TLN2: variants seen among roughly 807,000 people sequenced by gnomAD.
The protein encoded by TLN2 is talin 2.
A neutral mutation model predicts 294.7 loss-of-function variants in TLN2; 118 were observed. The ratio of observed to expected loss-of-function variants is 0.40; its 90% CI spans 0.34 to 0.47. The LOEUF is 0.47. Among genes scored for constraint, TLN2 ranks in the 20% least tolerant of loss-of-function variants. The pLI is 0.84. For synonymous variants in TLN2, 1,431 were observed against 1,304.5 expected (o/e 1.10, Z -2.09); for missense variants, 3,083 against 3,282.2 (o/e 0.94, Z 1.48).
intron 1 of TLN2, among the ~76,000 whole-genome samples, chr15:62,580,531 C>G (rs2044865577): frequency 6.6e-6 from 1 of 152,050 alleles, no homozygotes; most frequent in Non-Finnish European, 1.5e-5. Flanking sequence ...CTACCTCAGC[C>G]TCGCGAGTAG....
At chr15:62,556,821 C>T (rs758836701) in intron 1 of TLN2, among the ~76,000 whole-genome samples, 1 of 152,152 alleles carries the variant, frequency 6.6e-6, no homozygotes, top group African/African-American at 2.4e-5. Context: ...TAATGGGGCA[C>T]TATGTATAAC....
intron 1 of TLN2, among the ~76,000 whole-genome samples, chr15:62,532,582 A>G (rs1253515661): frequency 1.3e-5 from 2 of 152,168 alleles, no homozygotes; most frequent in Non-Finnish European, 2.9e-5. Flanking sequence ...AGTCCCTGCA[A>G]TACCCTTGCA....
intron 1 of TLN2, among the ~76,000 whole-genome samples, chr15:62,530,047 C>T (rs1014804831): frequency 3.9e-5 from 6 of 152,198 alleles, no homozygotes; most frequent in Admixed American, 6.5e-5. Context: ...AAAAATTAGC[C>T]GGGCCTTGTG....
chr15:62,471,550 C>G (rs2037475846), intron 1 of TLN2, among the ~76,000 whole-genome samples: 1 of 152,192 alleles, frequency 6.6e-6, no homozygotes, highest in African/African-American at 2.4e-5. Flanking sequence ...AGGGAAGTCC[C>G]CTCCACTGGC....
In TLN2 at chr15:62,655,990, TGAAAAC is replaced by T. The variant is rs2053167108; in HGVS notation, c.569_574del (p.Asn190_Glu191del). On this transcript the variant is annotated inframe_deletion, in exon 8 of 59. Transcript: ENST00000636159. Reference sequence around the variant, plus strand: ...GAACATTCAGAGAACAAGGAGTAGATGAAAACGAAACGTTGCTGCTTAGACGGAAGT... The same window carrying T: ...GAACATTCAGAGAACAAGGAGTAGATGAAACGTTGCTGCTTAGACGGAAGT... 1 of 1,614,068 alleles carries T rather than the reference TGAAAAC, an allele frequency of 6.2e-7. No individual in the cohort carries two copies. The highest frequency in any genetic ancestry group is 8.5e-7 in the Non-Finnish European group (1 of 1,180,044).
chr15:62,666,681 T>C (rs1438836501), intron 9 of TLN2, among the ~76,000 whole-genome samples: 5 of 152,218 alleles, frequency 3.3e-5, no homozygotes, highest in African/African-American at 1.2e-4. Context: ...ACTCTAGGCG[T>C]TTCCCAGCTC....
chr15:62,509,775 G>A (rs2039835050), intron 1 of TLN2, among the ~76,000 whole-genome samples: 1 of 152,128 alleles, frequency 6.6e-6, no homozygotes, highest in Admixed American at 6.5e-5. Context: ...AGGCTGTTGG[G>A]CTTGCCTGAG....
At chr15:62,624,415 G>A (rs908559807) in intron 3 of TLN2, among the ~76,000 whole-genome samples, 7 of 152,166 alleles carry the variant, frequency 4.6e-5, no homozygotes, top group East Asian at 1.9e-4. Flanking sequence ...ACAGAAGGAC[G>A]GAGTGTTCTG....
At chr15:62,735,971 C>G (rs555452052) in intron 28 of TLN2, among the ~76,000 whole-genome samples, 3 of 152,250 alleles carry the variant, frequency 2.0e-5, no homozygotes, top group Admixed American at 2.0e-4. Context: ...AGAAAGAAAG[C>G]AGACACAAAA....
chr15:62,469,139 G>T (rs1353006336), intron 1 of TLN2, among the ~76,000 whole-genome samples: 1 of 152,210 alleles, frequency 6.6e-6, no homozygotes, highest in Non-Finnish European at 1.5e-5. Flanking sequence ...AAACATTTGT[G>T]TTGGAAAAAA....
At chr15:62,416,687 G>A (rs1204998964) in intron 1 of TLN2, among the ~76,000 whole-genome samples, 1 of 152,118 alleles carries the variant, frequency 6.6e-6, no homozygotes, top group African/African-American at 2.4e-5. Context: ...TGCGAGAGAG[G>A]CTTATTTAGC....
rs898447692 is a variant in TLN2 at position 62,614,801 on chromosome 15, A to G, written c.-161-3550A>G. Among the ~76,000 whole-genome samples the G allele has an allele frequency of 3.9e-5, 6 of 152,052 alleles. No individual in the cohort carries two copies. The South Asian group carries it at 8.3e-4, about 21-fold the overall frequency. On this transcript the variant is annotated intron_variant, in intron 2 of 58. Transcript: ENST00000636159. ...ACTTCTCCACCATCTTTCTGTCCCA[A>G]TTCACTCCTGTGCTGTGGGGTGTAC...
At position 62,840,769 on chromosome 15, in the gene TLN2, A is replaced by G; in HGVS notation, c.*159A>G. On this transcript the variant is annotated 3_prime_UTR_variant, in exon 59 of 59. Transcript: ENST00000636159. ...GTTCTCACATCTCTGTCCCGTCGGC[A>G]CTGGCTGCATGATCGTGATGTCACA... 2.0e-6 allele frequency: 2 copies of G among 1,015,080 alleles called. No homozygotes were observed. The highest frequency in any genetic ancestry group is 2.8e-6 in the Non-Finnish European group (2 of 715,740). 62.9% of individuals were successfully genotyped at this position (1,015,080 alleles called of 1,614,324 possible).
chr15:62,748,668 T>C lies in TLN2; in HGVS notation c.4119+224T>C, dbSNP rs557095880. ...CTAGATTTAGTGGGATTATCATTCC[T>C]GCTTCTCCTGTTTCCAGTAGGATGA... is the stretch of plus-strand genomic sequence containing the variant. On this transcript the variant is annotated intron_variant, in intron 33 of 58. Transcript: ENST00000636159. 2.0e-5 allele frequency among the ~76,000 whole-genome samples: 3 copies of C among 152,372 alleles called. No homozygotes were observed. The East Asian group carries it at 5.8e-4, about 29-fold the overall frequency.
At chr15:62,438,584 C>T (rs962874380) in intron 1 of TLN2, among the ~76,000 whole-genome samples, 4 of 152,094 alleles carry the variant, frequency 2.6e-5, no homozygotes, top group Non-Finnish European at 4.4e-5. Flanking sequence ...TTGTTTACAG[C>T]GTAGCAAGTG....
intron 14 of TLN2, among the ~76,000 whole-genome samples, chr15:62,695,950 A>G (rs2058297953): frequency 6.6e-6 from 1 of 152,138 alleles, no homozygotes; most frequent in South Asian, 2.1e-4. Context: ...AGCCTCCTCC[A>G]CTGCCCACAG....
intron 51 of TLN2, among the ~76,000 whole-genome samples, chr15:62,808,836 A>G (rs983483007): frequency 6.6e-6 from 1 of 152,226 alleles, no homozygotes; most frequent in Non-Finnish European, 1.5e-5. Context: ...AAGCTGGCTC[A>G]TACATGACAT....
intron 2 of TLN2, among the ~76,000 whole-genome samples, chr15:62,591,907 C>G (rs1160316061): frequency 6.6e-6 from 1 of 152,066 alleles, no homozygotes; most frequent in African/African-American, 2.4e-5. Context: ...CCTTTGAGGA[C>G]CCCCAGAGGG....
chr15:62,393,112 C>A (rs1005950938), intron 1 of TLN2, among the ~76,000 whole-genome samples: 2 of 152,040 alleles, frequency 1.3e-5, no homozygotes, highest in African/African-American at 2.4e-5. Flanking sequence ...AGCCTCAATC[C>A]GTTTTAAGTT....
Sources: gnomAD v4.1 joint callset for allele counts (sites outside exome capture counted in the v4.1 genomes callset) on GRCh38, gnomAD v4.1.1 for gene constraint, MANE v1.5 for transcripts, NCBI Gene and HGNC (gene_info 2026-07-23, HGNC 2026-07-21) for gene names.